Variants in ACP6 observed in about 807,000 individuals in gnomAD.
ACP6 encodes acid phosphatase 6, lysophosphatidic, also known as lysophosphatidic acid phosphatase type 6.
ACP6 carries 48 observed loss-of-function variants against 48.1 expected under a neutral mutation model. That is an observed-to-expected ratio of 1.00 (90% CI 0.79 to 1.27). The LOEUF is 1.27. Among genes scored for constraint, ACP6 ranks in the 50% most tolerant of loss-of-function variants. The pLI is 0.00. For missense variants in ACP6, 485 were observed against 529.1 expected (o/e 0.92, Z 0.82); for synonymous variants, 172 against 204.2 (o/e 0.84, Z 1.34).
At chr1:147,667,999 A>AG (rs1660889978) in intron 1 of ACP6, among the ~76,000 whole-genome samples, 1 of 151,248 alleles carries the variant, frequency 6.6e-6, no homozygotes, top group Non-Finnish European at 1.5e-5. Flanking sequence ...AAAAAAAAAA[A>AG]TCCCAATAAC....
At chr1:147,634,561 C>T (rs1383078468) in intron 5 of ACP6, among the ~76,000 whole-genome samples, 23 of 152,052 alleles carry the variant, frequency 1.5e-4, no homozygotes, top group African/African-American at 5.3e-4. Context: ...CCTGTGTTGT[C>T]TTCTAAGATT....
chr1:147,650,102 C>T (rs142610979), intron 8 of ACP6, 41 bp downstream of exon 8: 74 of 1,562,534 alleles, frequency 4.7e-5, no homozygotes, highest in African/African-American at 6.8e-5. Context: ...GAAGTTCCCA[C>T]GGCCCTTAGC....
At chr1:147,653,049 A>C (rs1553210906) in intron 6 of ACP6, among the ~76,000 whole-genome samples, 7 of 152,344 alleles carry the variant, frequency 4.6e-5, no homozygotes, top group South Asian at 2.1e-4. Flanking sequence ...GGATGGTCTC[A>C]ATCTCCTGAC....
chr1:147,659,894 T>G (rs1660459814), intron 1 of ACP6, 119 bp from the exon 2 acceptor site: 1 of 1,213,000 alleles, frequency 8.2e-7, no homozygotes, highest in South Asian at 1.5e-5. Context: ...CCTGCAACCT[T>G]CCTATGGGAT....
intron 4 of ACP6, among the ~76,000 whole-genome samples, chr1:147,658,680 G>C (rs587619479): frequency 6.6e-6 from 1 of 152,288 alleles, no homozygotes; most frequent in Admixed American, 6.5e-5. Context: ...AACATGGTTA[G>C]GACTGCCTTG....
chr1:147,645,220 A>G lies in ACP6; in HGVS notation c.*2203T>C, dbSNP rs942809415. ...TATAATAATTTTATAAAATTATAAT[A>G]ATTTTATAAAAATATAATAATTTTT... is the stretch of plus-strand genomic sequence containing the variant. On this transcript the variant is annotated 3_prime_UTR_variant, in exon 10 of 10. Transcript: ENST00000583509. 5 of 150,952 alleles carry G rather than the reference A, an allele frequency of 3.3e-5. No individual in the cohort carries two copies. Among genetic ancestry groups the G allele is most frequent in the African/African-American group, 1.2e-4 (5 of 41,304 alleles). The allele number at this position is 150,952 out of a possible 1,614,324, so 9.4% of individuals were successfully genotyped here.
At chr1:147,653,051 T>C (rs1660037759) in intron 6 of ACP6, among the ~76,000 whole-genome samples, 5 of 152,290 alleles carry the variant, frequency 3.3e-5, no homozygotes, top group Admixed American at 3.3e-4. Flanking sequence ...ATGGTCTCAA[T>C]CTCCTGACCT....
At chr1:147,634,893 G>A (rs1011731674) in intron 5 of ACP6, among the ~76,000 whole-genome samples, 1 of 152,218 alleles carries the variant, frequency 6.6e-6, no homozygotes, top group African/African-American at 2.4e-5. Context: ...TGAAGACAGG[G>A]AAGTGCAACC....
chr1:147,653,930 C>T (rs183838396), intron 6 of ACP6, among the ~76,000 whole-genome samples: 1 of 152,188 alleles, frequency 6.6e-6, no homozygotes, highest in Admixed American at 6.5e-5. Flanking sequence ...CCCTGCCTGC[C>T]CAAACACAAA....
intron 1 of ACP6, among the ~76,000 whole-genome samples, chr1:147,665,773 G>A (rs1660763764): frequency 6.6e-6 from 1 of 152,134 alleles, no homozygotes; most frequent in East Asian, 1.9e-4. Context: ...GGAGTCTGGA[G>A]TCCAGGTCAC....
At chr1:147,657,652 C>G (rs1478298140) in intron 4 of ACP6, among the ~76,000 whole-genome samples, 1 of 152,172 alleles carries the variant, frequency 6.6e-6, no homozygotes, top group Non-Finnish European at 1.5e-5. Context: ...AACTCCTGAT[C>G]TCATGATCCA....
chr1:147,668,466 A>G (rs1660915111), intron 1 of ACP6, among the ~76,000 whole-genome samples: 1 of 152,006 alleles, frequency 6.6e-6, no homozygotes, highest in African/African-American at 2.4e-5. Flanking sequence ...CTACACATTC[A>G]AAGTTTTACT....
At chr1:147,668,431 T>C (rs1660912769) in intron 1 of ACP6, among the ~76,000 whole-genome samples, 1 of 151,920 alleles carries the variant, frequency 6.6e-6, no homozygotes, top group Non-Finnish European at 1.5e-5. Context: ...TATATATATA[T>C]ATATGGTACA....
At chr1:147,661,018 G>A (rs1255549837) in intron 1 of ACP6, among the ~76,000 whole-genome samples, 2 of 152,172 alleles carry the variant, frequency 1.3e-5, no homozygotes, top group Non-Finnish European at 2.9e-5. Flanking sequence ...AAGTCTATCA[G>A]TGCCATTTTT....
intron 5 of ACP6, among the ~76,000 whole-genome samples, chr1:147,636,547 C>A (rs145392046): frequency 3.3e-5 from 5 of 152,328 alleles, no homozygotes; most frequent in African/African-American, 1.2e-4. Context: ...GGAAAACATG[C>A]TGATCCTCAG....
At chr1:147,655,103 C>T in intron 5 of ACP6, 58 bp downstream of exon 5, 1 of 1,409,224 alleles carries the variant, frequency 7.1e-7, no homozygotes, top group Admixed American at 2.0e-5. Context: ...AGAGTTCTGC[C>T]AGCAAAGGTT....
intron 1 of ACP6, among the ~76,000 whole-genome samples, chr1:147,660,096 A>G (rs782140223): frequency 2.1e-4 from 32 of 152,212 alleles, no homozygotes; most frequent in Non-Finnish European, 4.1e-4. Flanking sequence ...GTGGTGAATG[A>G]ACGAATAGAT....
intron 1 of ACP6, among the ~76,000 whole-genome samples, chr1:147,668,220 GC>G (rs2148918888): frequency 6.6e-6 from 1 of 152,240 alleles, no homozygotes; most frequent in East Asian, 1.9e-4. Context: ...GAGGTAATAT[GC>G]CTTCTCTAAT....
At chr1:147,634,268 A>C (rs587703020) in intron 5 of ACP6, among the ~76,000 whole-genome samples, 108 of 152,228 alleles carry the variant, frequency 7.1e-4, no homozygotes, top group African/African-American at 2.6e-3. Context: ...ATGTGTATTC[A>C]AGTCCTTGGC....
Sources: allele counts gnomAD v4.1 joint callset (sites outside exome capture counted in the v4.1 genomes callset), GRCh38; gene constraint gnomAD v4.1.1; transcripts MANE v1.5; gene names NCBI Gene and HGNC (gene_info 2026-07-23, HGNC 2026-07-21).